The following L3MBTL2 variants were observed in gnomAD, a reference collection of about 807,000 sequenced individuals.
L3MBTL2 encodes lethal(3)malignant brain tumor-like protein 2.
In L3MBTL2, 49 loss-of-function variants were observed where a neutral mutation model predicts 86.4. The observed-to-expected ratio is 0.57, with a 90% CI of 0.45 to 0.72. L3MBTL2 has a LOEUF of 0.72. Ranked by LOEUF, L3MBTL2 falls within the 30% of genes least tolerant of loss-of-function variation. The probability of loss-of-function intolerance (pLI) is 0.00; values close to 1 mark genes in which losing one functional copy is unlikely to be tolerated. For missense variants in L3MBTL2, 755 were observed against 923.7 expected, an observed-to-expected ratio of 0.82 and a Z score of 2.37; for synonymous variants, 336 against 350.6, an observed-to-expected ratio of 0.96 and a Z score of 0.47.
intron 2 of L3MBTL2, chr22:41,213,532 T>C (rs1332746079): frequency 6.6e-6 from 1 of 152,308 alleles, no homozygotes; most frequent in South Asian, 2.1e-4. Context: ...CCTCAAGCAA[T>C]CCTCCCTCCT....
intron 8 of L3MBTL2, among the ~76,000 whole-genome samples, chr22:41,223,567 GGGGGC>G (rs2031979763): frequency 6.6e-6 from 1 of 152,318 alleles, no homozygotes; most frequent in African/African-American, 2.4e-5. Context: ...AGGGCTGGGA[GGGGGC>G]GGGGAGGGCA....
At chr22:41,212,893 C>T (rs1243771310) in intron 2 of L3MBTL2, among the ~76,000 whole-genome samples, 2 of 115,254 alleles carry the variant, frequency 1.7e-5, no homozygotes, top group Non-Finnish European at 3.6e-5. Context: ...AAAACTCCAT[C>T]TCAAAAAAAA....
intron 6 of L3MBTL2, among the ~76,000 whole-genome samples, chr22:41,219,953 A>G (rs1471738869): frequency 2.6e-5 from 4 of 152,156 alleles, no homozygotes; most frequent in Non-Finnish European, 5.9e-5. Context: ...TATCTTGGCC[A>G]GGCTGGTCTC....
At position 41,225,083 on chromosome 22, in the gene L3MBTL2, G is replaced by T; in HGVS notation, c.1356+12G>T. On this transcript the variant is annotated intron_variant, in intron 11 of 16. Transcript: ENST00000216237. The surrounding 1 kb of genome is among the most constrained non-coding windows in gnomAD (Gnocchi z 4.1). ...CAACTGTCTGTAAGGTGAGCCAGGG[G>T]CCGGCTCTCCAGCCTCCAGATTTCT... is the stretch of plus-strand genomic sequence containing the variant. The T allele has an allele frequency of 6.2e-7, 1 of 1,605,462 alleles. No individual in the cohort carries two copies.
intron 16 of L3MBTL2, 161 bp downstream of exon 16, chr22:41,229,817 G>T: frequency 8.1e-7 from 1 of 1,227,494 alleles, no homozygotes; most frequent in South Asian, 1.3e-5. Flanking sequence ...GTGTTTCCCA[G>T]ACACGCCCCC....
chr22:41,225,830 G>T lies in L3MBTL2; in HGVS notation c.1393G>T (p.Gly465Trp), dbSNP rs374537053. The T allele has an allele frequency of 6.2e-7, 1 of 1,613,800 alleles. No individual in the cohort carries two copies. The highest frequency in any genetic ancestry group is 8.5e-7 in the Non-Finnish European group (1 of 1,179,806). Residue 465 changes from glycine to tryptophan, a missense_variant, in exon 12 of 17, where the codon GGG (glycine) becomes TGG (tryptophan). Gly to Trp is a radical substitution (Grantham distance 184). Coordinates refer to ENST00000216237, the MANE Select transcript of L3MBTL2 (RefSeq NM_031488.5). This position sits in a 1 kb window ranked among gnomAD's most constrained non-coding sequence, Gnocchi z 4.1. ...LDGYLMICVD[G>W]GPSTDGLDWF... Reference sequence around the variant, plus strand: ...TGGATACCTGATGATCTGTGTGGACGGGGGGCCCTCCACAGATGGCTTGGA... The same window carrying T: ...TGGATACCTGATGATCTGTGTGGACTGGGGGCCCTCCACAGATGGCTTGGA...
Position 41,227,596 on chromosome 22 carries a change from G to A in L3MBTL2, c.1823-208G>A. 1 of 1,547,880 alleles carries A rather than the reference G, an allele frequency of 6.5e-7. No individual in the cohort carries two copies. The highest frequency in any genetic ancestry group is 1.2e-5 in the South Asian group (1 of 83,222). ...CCAGGTAAACTACCCAGGTCCCTCT[G>A]AGCAGCCCTGGTAACAAGGGTGGGA... On this transcript the variant is annotated intron_variant, in intron 14 of 16. Transcript: ENST00000216237. The surrounding 1 kb of genome is among the most constrained non-coding windows in gnomAD (Gnocchi z 6.0).
At chr22:41,205,423 A>C in intron 1 of L3MBTL2, 37 bp downstream of exon 1, 2 of 1,613,212 alleles carry the variant, frequency 1.2e-6, no homozygotes, top group African/African-American at 1.3e-5. Flanking sequence ...TGGGAAAGGG[A>C]ACTCCGAGAG....
In L3MBTL2 at chr22:41,221,192, T is replaced by G; in HGVS notation, c.854-7T>G. ...GTGTAACCAGGATTCTGCTGGTGCC[T>G]CCACAGCCATCCATGCCAAGTTCAC... On this transcript the variant is annotated splice_polypyrimidine_tract_variant and splice_region_variant and intron_variant, in intron 7 of 16. Transcript: ENST00000216237. The G allele has an allele frequency of 5.8e-6, 9 of 1,545,832 alleles. No homozygotes were observed. Among genetic ancestry groups the G allele is most frequent in the Non-Finnish European group, 7.9e-6 (9 of 1,142,242 alleles).
intron 8 of L3MBTL2, 65 bp downstream of exon 8, chr22:41,221,352 C>A: frequency 7.5e-7 from 1 of 1,332,862 alleles, no homozygotes; most frequent in Non-Finnish European, 1.1e-6. Flanking sequence ...ATCCTGCATG[C>A]CACTCACTGG....
chr22:41,219,131 A>G (rs2031620724), intron 5 of L3MBTL2: 3 of 306,678 alleles, frequency 9.8e-6, no homozygotes, highest in African/African-American at 6.4e-5. Context: ...CATGTGCCCA[A>G]AATGATACAG....
rs909506955 is a variant in L3MBTL2 at position 41,229,545 on chromosome 22, A to G, written c.1894A>G (p.Arg632Gly). 5 of 1,608,754 alleles carry G rather than the reference A, an allele frequency of 3.1e-6. No individual in the cohort carries two copies. Among genetic ancestry groups the G allele is most frequent in the Non-Finnish European group, 4.3e-6 (5 of 1,175,968 alleles). Reference protein sequence around the residue: ...KKKQFGKKRKRIPPTKTRPLR... With the variant: ...KKKQFGKKRKGIPPTKTRPLR... ...GAATCCATTTTTATTCAAAGGGAAA[A>G]GAATCCCGCCCACTAAGACGCGACC... is the stretch of plus-strand genomic sequence containing the variant. Residue 632 changes from arginine (R) to glycine (G), a missense_variant, in exon 16 of 17, where the codon AGA (arginine) becomes GGA (glycine). Around this residue, in one of 3 missense-constraint regions of L3MBTL2, gnomAD observed 634 missense variants for 748.9 expected, o/e 0.85. Coordinates refer to ENST00000216237, the MANE Select transcript of L3MBTL2 (RefSeq NM_031488.5).
intron 2 of L3MBTL2, 81 bp from the exon 3 acceptor site, chr22:41,213,812 C>T (rs1289017453): frequency 6.6e-7 from 1 of 1,512,904 alleles, no homozygotes; most frequent in African/African-American, 1.4e-5. Flanking sequence ...AATGCAGTGC[C>T]CCAGGTTTTG....
At chr22:41,208,288 C>A (rs886308220) in intron 1 of L3MBTL2, 4 of 442,480 alleles carry the variant, frequency 9.0e-6, no homozygotes, top group Non-Finnish European at 1.8e-5. Context: ...TGCCACCACA[C>A]CTGGCTAATT....
At chr22:41,220,946 A>G (rs566226422) in intron 7 of L3MBTL2, 78 bp downstream of exon 7, 13 of 1,483,108 alleles carry the variant, frequency 8.8e-6, no homozygotes, top group African/African-American at 1.4e-5. Flanking sequence ...TGTGTTAGGT[A>G]GAATGGGAGT....
At chr22:41,229,789 T>C in intron 16 of L3MBTL2, 133 bp downstream of exon 16, 2 of 1,432,752 alleles carry the variant, frequency 1.4e-6, no homozygotes, top group South Asian at 1.2e-5. Flanking sequence ...CAAGCAGTCC[T>C]GTACCACTGG....
intron 2 of L3MBTL2, among the ~76,000 whole-genome samples, chr22:41,212,319 C>T (rs1275258209): frequency 6.6e-6 from 1 of 151,698 alleles, no homozygotes; most frequent in Non-Finnish European, 1.5e-5. Context: ...ACATTAGAAT[C>T]ATCTAGGGGA....
At chr22:41,208,768 AGCATC>A (rs1442404257) in intron 1 of L3MBTL2, among the ~76,000 whole-genome samples, 1 of 152,126 alleles carries the variant, frequency 6.6e-6, no homozygotes, top group African/African-American at 2.4e-5. Context: ...TTTTTGAGAC[AGCATC>A]TCACTCCATT....
chr22:41,227,093 G>A lies in L3MBTL2; in HGVS notation c.1592G>A (p.Cys531Tyr), dbSNP rs141947549. 6.5e-5 allele frequency: 104 copies of A among 1,610,702 alleles called. No individual in the cohort carries two copies. Among genetic ancestry groups the A allele is most frequent in the Non-Finnish European group, 7.7e-5 (91 of 1,178,928 alleles). Residue 531 changes from cysteine to tyrosine, a missense_variant, in exon 14 of 17, where the codon TGC becomes TAC. Cys to Tyr is a radical substitution (Grantham distance 194). Coordinates refer to ENST00000216237, the MANE Select transcript of L3MBTL2 (RefSeq NM_031488.5). This position sits in a 1 kb window ranked among gnomAD's most constrained non-coding sequence, Gnocchi z 6.0. ...AAPSRLFNMD[C>Y]PNHGFKVGMK... ...TGCCTCCTTTTTCTGCCCCAGGATT[G>A]CCCAAACCATGGCTTCAAGGTGGGC... is the stretch of plus-strand genomic sequence containing the variant.
Sources: allele counts gnomAD v4.1 joint callset (sites outside exome capture counted in the v4.1 genomes callset), GRCh38; gene constraint gnomAD v4.1.1; regional missense constraint gnomAD v4.1.1; non-coding constraint Gnocchi (gnomAD v3.1); transcripts MANE v1.5; gene names NCBI Gene and HGNC (gene_info 2026-07-23, HGNC 2026-07-21).